WWOX: variants seen among roughly 807,000 people sequenced by gnomAD.
WWOX encodes WW domain-containing oxidoreductase.
WWOX carries 69 observed loss-of-function variants against 46.2 expected under a neutral mutation model. That is an observed-to-expected ratio of 1.49 (90% CI 1.23 to 1.82). The LOEUF (loss-of-function observed/expected upper bound fraction) is 1.82, where lower values mean the gene tolerates loss of function less well. Among genes scored for constraint, WWOX ranks in the 40% most tolerant of loss-of-function variants. The probability of loss-of-function intolerance (pLI) is 0.00; values close to 1 mark genes in which losing one functional copy is unlikely to be tolerated. For synonymous variants in WWOX, 359 were observed against 202.6 expected (o/e 1.77, Z -6.56); for missense variants, 919 against 542.6 (o/e 1.69, Z -6.89).
At chr16:79,196,711 A>G (rs527596916) in intron 8 of WWOX, among the ~76,000 whole-genome samples, 9 of 152,032 alleles carry the variant, frequency 5.9e-5, no homozygotes, top group Non-Finnish European at 7.4e-5. Flanking sequence ...GTCTCCCCCA[A>G]TGAGAGACTT....
intron 5 of WWOX, among the ~76,000 whole-genome samples, chr16:78,198,810 A>G (rs2036140488): frequency 6.6e-6 from 1 of 152,138 alleles, no homozygotes; most frequent in African/African-American, 2.4e-5. Flanking sequence ...ATGCATTCAC[A>G]CACATGCATA....
intron 8 of WWOX, among the ~76,000 whole-genome samples, chr16:78,821,652 A>T (rs1045489858): frequency 4.6e-5 from 7 of 152,190 alleles, no homozygotes; most frequent in African/African-American, 1.7e-4. Context: ...GGAAGCACTG[A>T]GGCATGTGGT....
chr16:78,149,728 G>A (rs1019191733), intron 4 of WWOX, among the ~76,000 whole-genome samples: 14 of 152,208 alleles, frequency 9.2e-5, no homozygotes, highest in Non-Finnish European at 1.9e-4. Context: ...AATATCCACA[G>A]AGAATAGATG....
chr16:78,442,845 G>C (rs908024869), intron 8 of WWOX, among the ~76,000 whole-genome samples: 11 of 151,792 alleles, frequency 7.2e-5, no homozygotes, highest in African/African-American at 2.4e-4. Flanking sequence ...TTGGCTGGCT[G>C]GTCATGGTGG....
intron 5 of WWOX, among the ~76,000 whole-genome samples, chr16:78,192,669 T>C (rs2035920780): frequency 6.6e-6 from 1 of 152,190 alleles, no homozygotes; most frequent in Non-Finnish European, 1.5e-5. Flanking sequence ...CCGTTTGAAA[T>C]GTTGAAGCTT....
chr16:78,152,880 G>T, intron 4 of WWOX, among the ~76,000 whole-genome samples: 1 of 147,792 alleles, frequency 6.8e-6, no homozygotes, highest in Middle Eastern at 3.5e-3. Context: ...GAACTGACCC[G>T]TTTCCCACTT....
chr16:78,527,695 T>C (rs2667618), intron 8 of WWOX, among the ~76,000 whole-genome samples: 124,473 of 152,062 alleles, frequency 0.82, 52,303 homozygotes, highest in East Asian at 1. Context: ...ATGTATGTTG[T>C]TACATTTAAT....
chr16:79,050,316 T>G (rs2048142841), intron 8 of WWOX, among the ~76,000 whole-genome samples: 1 of 152,084 alleles, frequency 6.6e-6, no homozygotes, highest in South Asian at 2.1e-4. Flanking sequence ...TGGACATGGG[T>G]GGGGCACTTT....
intron 8 of WWOX, among the ~76,000 whole-genome samples, chr16:79,153,610 A>G (rs1310947546): frequency 6.6e-6 from 1 of 152,124 alleles, no homozygotes; most frequent in African/African-American, 2.4e-5. Context: ...AAAAAGCAAT[A>G]AAGAACCTCT....
chr16:78,285,544 G>A (rs1219490837), intron 5 of WWOX, among the ~76,000 whole-genome samples: 1 of 152,162 alleles, frequency 6.6e-6, no homozygotes, highest in Non-Finnish European at 1.5e-5. Context: ...GCACCAGAAC[G>A]AGGTCTGACT....
chr16:78,619,816 G>A (rs551841807), intron 8 of WWOX, among the ~76,000 whole-genome samples: 110 of 152,186 alleles, frequency 7.2e-4, no homozygotes, highest in African/African-American at 2.5e-3. Context: ...GGCTGAGGCA[G>A]GAGAATCACT....
At chr16:78,463,406 C>G (rs2083999632) in intron 8 of WWOX, among the ~76,000 whole-genome samples, 2 of 152,188 alleles carry the variant, frequency 1.3e-5, no homozygotes, top group Non-Finnish European at 2.9e-5. Flanking sequence ...TTTATATAGA[C>G]TGGAGATATT....
At chr16:79,075,400 T>C (rs1482818786) in intron 8 of WWOX, among the ~76,000 whole-genome samples, 2 of 152,222 alleles carry the variant, frequency 1.3e-5, no homozygotes, top group Non-Finnish European at 2.9e-5. Context: ...TTTTCAGTAC[T>C]TCCTTTCTGT....
chr16:79,210,045 G>A (rs1054239443), intron 8 of WWOX, among the ~76,000 whole-genome samples: 1 of 152,164 alleles, frequency 6.6e-6, no homozygotes, highest in Non-Finnish European at 1.5e-5. Context: ...AGTCATGTCA[G>A]TTATTCAAAT....
chr16:78,620,194 A>T (rs2046142480), intron 8 of WWOX, among the ~76,000 whole-genome samples: 1 of 152,178 alleles, frequency 6.6e-6, no homozygotes, highest in Admixed American at 6.5e-5. Flanking sequence ...TGAAATGAGA[A>T]ATCTAAGGAA....
At chr16:78,369,922 C>T (rs1238859820) in intron 5 of WWOX, among the ~76,000 whole-genome samples, 2 of 151,926 alleles carry the variant, frequency 1.3e-5, no homozygotes, top group Non-Finnish European at 2.9e-5. Flanking sequence ...CACATAAGGC[C>T]AGGAGTTTGA....
intron 8 of WWOX, chr16:78,996,376 A>ACCC (rs1338159064): frequency 2.3e-3 from 1,086 of 470,234 alleles, no homozygotes; most frequent in South Asian, 4.0e-3. Flanking sequence ...TTCTGCACCC[A>ACCC]CCCCCGCCCC....
chr16:79,003,748 A>C (rs970527912), intron 8 of WWOX, among the ~76,000 whole-genome samples: 19 of 152,164 alleles, frequency 1.2e-4, no homozygotes, highest in African/African-American at 3.9e-4. Context: ...TTTCAGCTAC[A>C]CAGCAGAAGT....
At chr16:78,269,438 G>C (rs528207093) in intron 5 of WWOX, among the ~76,000 whole-genome samples, 3 of 152,186 alleles carry the variant, frequency 2.0e-5, no homozygotes, top group African/African-American at 7.2e-5. Context: ...TCCTGCAGCA[G>C]CCATTCTGGT....
Sources: allele counts gnomAD v4.1 joint callset (sites outside exome capture counted in the v4.1 genomes callset), GRCh38; gene constraint gnomAD v4.1.1; transcripts MANE v1.5; gene names NCBI Gene and HGNC (gene_info 2026-07-23, HGNC 2026-07-21).